RCSD1: variants seen among roughly 807,000 people sequenced by gnomAD.
RCSD1 encodes RCSD domain containing 1.
In RCSD1, 26 loss-of-function variants were observed where a neutral mutation model predicts 42.5. That is an observed-to-expected ratio of 0.61 (90% confidence interval 0.45 to 0.85). The LOEUF is 0.85. Ranked by LOEUF, RCSD1 falls within the 40% of genes least tolerant of loss-of-function variation. The pLI, the probability that RCSD1 is intolerant of heterozygous loss-of-function variation, is 0.00. For synonymous variants in RCSD1, 220 were observed against 212.2 expected (o/e 1.04, Z -0.32); for missense variants, 571 against 528.3 (o/e 1.08, Z -0.79).
chr1:167,684,034 G>T (rs1201482958), intron 2 of RCSD1, 33 bp downstream of exon 2: 1 of 1,554,224 alleles, frequency 6.4e-7, no homozygotes, highest in Admixed American at 1.7e-5. Context: ...AGCCTCTTCA[G>T]CAGCGGGCAG....
At chr1:167,704,183 T>C (rs1659705572) in intron 6 of RCSD1, among the ~76,000 whole-genome samples, 1 of 152,248 alleles carries the variant, frequency 6.6e-6, no homozygotes, top group Admixed American at 6.5e-5. Flanking sequence ...TCTTTTATTT[T>C]CAACTCTTTC....
In RCSD1 at chr1:167,697,672, C is replaced by G. The variant is rs549812699; in HGVS notation, c.1048C>G (p.His350Asp). The stretch of plus-strand genomic sequence containing the variant: ...GGGAGCTGCAGTGAAGGAGACCCCC[C>G]ACAGTCCCCCTGGAGGAGTGAAGGG... ...EEGAAVKETP[H>D]SPPGGVKGGD... is the part of the protein sequence containing the mutation. The change falls in exon 6 of 7, where the codon CAC (histidine) becomes GAC (aspartate). Residue 350 changes from histidine (H) to aspartate (D), a missense_variant. By Grantham distance (81) the His-to-Asp change is moderately conservative. Transcript: ENST00000367854. 6 of 1,604,984 alleles carry G rather than the reference C, an allele frequency of 3.7e-6. No homozygotes were observed. Among genetic ancestry groups the G allele is most frequent in the Admixed American group, 3.4e-5 (2 of 58,466 alleles).
intron 1 of RCSD1, among the ~76,000 whole-genome samples, chr1:167,661,689 G>A (rs565080821): frequency 1.9e-4 from 29 of 152,336 alleles, no homozygotes; most frequent in African/African-American, 6.5e-4. Context: ...CCACAGTTCC[G>A]CTGTCGATTA....
chr1:167,650,927 CA>C (rs1437580594), intron 1 of RCSD1, among the ~76,000 whole-genome samples: 1 of 152,162 alleles, frequency 6.6e-6, no homozygotes, highest in African/African-American at 2.4e-5. Context: ...GCTTAGACAG[CA>C]AAACTTTATT....
intron 1 of RCSD1, among the ~76,000 whole-genome samples, chr1:167,637,807 A>T (rs565283935): frequency 6.6e-6 from 1 of 151,920 alleles, no homozygotes; most frequent in South Asian, 2.1e-4. Context: ...AGCCCCGCTC[A>T]TTCCTTCCAC....
chr1:167,661,640 A>G (rs1312661888), intron 1 of RCSD1, among the ~76,000 whole-genome samples: 1 of 152,194 alleles, frequency 6.6e-6, no homozygotes, highest in Non-Finnish European at 1.5e-5. Context: ...GTGGATGTGG[A>G]TGTGCTGAGG....
intron 1 of RCSD1, among the ~76,000 whole-genome samples, chr1:167,633,964 G>A (rs2102191690): frequency 6.6e-6 from 1 of 152,296 alleles, no homozygotes; most frequent in South Asian, 2.1e-4. Context: ...AGGGAAAATG[G>A]CAGTACCAAC....
intron 1 of RCSD1, among the ~76,000 whole-genome samples, chr1:167,682,742 C>T (rs1274323227): frequency 6.6e-6 from 1 of 150,638 alleles, no homozygotes. Context: ...TGGAGGGAAG[C>T]ATCCTTTGTT....
chr1:167,655,105 A>C (rs981592895), intron 1 of RCSD1, among the ~76,000 whole-genome samples: 1 of 152,042 alleles, frequency 6.6e-6, no homozygotes, highest in Non-Finnish European at 1.5e-5. Context: ...TGGAGGCTGC[A>C]CCTCTCCCGA....
intron 1 of RCSD1, among the ~76,000 whole-genome samples, chr1:167,654,451 G>A (rs1186653354): frequency 1.3e-5 from 2 of 152,146 alleles, no homozygotes; most frequent in African/African-American, 4.8e-5. Context: ...TGTAAGGGCA[G>A]GATTTACAGT....
Position 167,697,555 on chromosome 1 carries a change from A to T in RCSD1, c.931A>T (p.Met311Leu). Residue 311 changes from methionine to leucine, a missense_variant, in exon 6 of 7, where the codon ATG becomes TTG. Physicochemically the swap from Met to Leu is conservative, Grantham distance 15. Transcript: ENST00000367854. ...EEKPAGEEAE[M>L]EKATEVKGER... is the part of the protein sequence containing the mutation. ...AAAGCCAGCTGGAGAGGAAGCAGAG[A>T]TGGAAAAGGCTACAGAGGTGAAGGG... 6.2e-7 allele frequency: 1 copy of T among 1,606,938 alleles called. No homozygotes were observed. Among genetic ancestry groups the T allele is most frequent in the Non-Finnish European group, 8.5e-7 (1 of 1,176,790 alleles).
rs200195763 is a variant in RCSD1 at position 167,634,960 on chromosome 1, G to A, written c.6+4531G>A. Among the ~76,000 whole-genome samples, 98 of 152,030 alleles carry A rather than the reference G, an allele frequency of 6.4e-4. No individual in the cohort carries two copies. In the East Asian group the frequency reaches 0.018, roughly 28 times the overall value. On this transcript the variant is annotated intron_variant, in intron 1 of 6. Transcript: ENST00000367854. ...GATGAGAGTGTGTGTGTGTGTGTGT[G>A]TGTGTGTGTGTACATATTGGTGTAT...
At position 167,690,000 on chromosome 1, in the gene RCSD1, A is replaced by G. The variant is rs190368715; in HGVS notation, c.199-49A>G. The G allele has an allele frequency of 5.7e-6, 9 of 1,590,284 alleles. No homozygotes were observed. The East Asian group carries it at 1.3e-4, about 24-fold the overall frequency. On this transcript the variant is annotated intron_variant, in intron 3 of 6. Coordinates refer to ENST00000367854, the MANE Select transcript of RCSD1 (RefSeq NM_052862.4). Reference sequence around the variant, plus strand: ...GCTTTTGGGTTCCAACCAGAACCCCACTTTCCTCACCTTACTTATCTGGTT... The same window carrying G: ...GCTTTTGGGTTCCAACCAGAACCCCGCTTTCCTCACCTTACTTATCTGGTT...
rs373658923 is a variant in RCSD1 at position 167,697,213 on chromosome 1, G to A, written c.589G>A (p.Gly197Ser). 13 of 1,614,064 alleles carry A rather than the reference G, an allele frequency of 8.1e-6. No homozygotes were observed. The highest frequency in any genetic ancestry group is 2.2e-5 in the East Asian group (1 of 44,886). Residue 197 changes from glycine (G) to serine (S), a missense_variant, in exon 6 of 7, where the codon GGT (glycine) becomes AGT (serine). Gly to Ser is a moderately conservative substitution (Grantham distance 56). Transcript: ENST00000367854. ...GGCGGTGGAGTCATCTCAGCAGAACGGTGCTAAGGAAGAGGATGGGGATGA... is the reference window on the plus strand; with the variant it reads ...GGCGGTGGAGTCATCTCAGCAGAACAGTGCTAAGGAAGAGGATGGGGATGA... Reference protein sequence around the residue: ...FRAVESSQQNGAKEEDGDEVL... With the variant: ...FRAVESSQQNSAKEEDGDEVL...
intron 1 of RCSD1, chr1:167,640,561 CCTCCTCAAGACAGGGT>C (rs905216094): frequency 6.6e-6 from 1 of 151,316 alleles, no homozygotes; most frequent in Admixed American, 6.6e-5. Context: ...CTTTTTTTTT[CCTCCTCAAGACAGGGT>C]CTTGCTCTGT....
At position 167,672,337 on chromosome 1, in the gene RCSD1, C is replaced by T. The variant is rs187200975; in HGVS notation, c.7-11563C>T. On this transcript the variant is annotated intron_variant, in intron 1 of 6. Coordinates refer to ENST00000367854, the MANE Select transcript of RCSD1 (RefSeq NM_052862.4). ...GACTGACTGTATTAGTTTCCTATGGCTGCTGTGACAAATGTCCACCAACTT... is the reference window on the plus strand; with the variant it reads ...GACTGACTGTATTAGTTTCCTATGGTTGCTGTGACAAATGTCCACCAACTT... Among the ~76,000 whole-genome samples the T allele has an allele frequency of 2.6e-3, 393 of 152,328 alleles. 3 individuals carry two copies. The highest frequency in any genetic ancestry group is 9.0e-3 in the African/African-American group (374 of 41,574).
At chr1:167,632,763 A>T (rs1657739370) in intron 1 of RCSD1, among the ~76,000 whole-genome samples, 1 of 152,244 alleles carries the variant, frequency 6.6e-6, no homozygotes, top group African/African-American at 2.4e-5. Flanking sequence ...TTCTTTGTCC[A>T]AATGCCTGGA....
chr1:167,670,493 C>G (rs899174453), intron 1 of RCSD1, among the ~76,000 whole-genome samples: 1 of 152,166 alleles, frequency 6.6e-6, no homozygotes, highest in Non-Finnish European at 1.5e-5. Context: ...TGTGTAACCC[C>G]CTGAGGCATT....
intron 1 of RCSD1, among the ~76,000 whole-genome samples, chr1:167,675,119 C>T (rs34696266): frequency 0.2 from 28,986 of 148,204 alleles, 4,982 homozygotes; most frequent in African/African-American, 0.48. Flanking sequence ...GGCAGGAGAG[C>T]TGCTTGAACC....
Sources: gnomAD v4.1 joint callset for allele counts (sites outside exome capture counted in the v4.1 genomes callset) on GRCh38, gnomAD v4.1.1 for gene constraint, MANE v1.5 for transcripts, NCBI Gene and HGNC (gene_info 2026-07-23, HGNC 2026-07-21) for gene names.